IGSF10: variants seen among roughly 807,000 people sequenced by gnomAD.
IGSF10 encodes the protein immunoglobulin superfamily member 10, also known as calvaria mechanical force protein 608.
Under a neutral mutation model 128.2 loss-of-function variants are expected in IGSF10, and 126 were observed. The observed-to-expected ratio is 0.98, with a 90% confidence interval of 0.85 to 1.14. The LOEUF is 1.14. Ranked by LOEUF, IGSF10 falls within the 50% of genes most tolerant of loss-of-function variation. IGSF10 has a pLI of 0.00. For synonymous variants in IGSF10, 1,185 were observed against 1,146.2 expected, an observed-to-expected ratio of 1.03 and a Z score of -0.68; for missense variants, 3,295 against 3,149.8, an observed-to-expected ratio of 1.05 and a Z score of -1.10.
At chr3:151,564,683 G>A in the IGSF10 span, among the ~76,000 whole-genome samples, 7 of 152,006 alleles carry the variant, frequency 4.6e-5, no homozygotes, top group Admixed American at 2.6e-4. Flanking sequence ...TTTGGGTTAC[G>A]GCAGTTGAAT....
chr3:151,477,487 G>T, the IGSF10 span, among the ~76,000 whole-genome samples: 1 of 152,102 alleles, frequency 6.6e-6, no homozygotes, highest in South Asian at 2.1e-4. Context: ...AAAATATTTA[G>T]AAGTTTTTAT....
the IGSF10 span, among the ~76,000 whole-genome samples, chr3:151,533,297 T>C: frequency 1.3e-5 from 2 of 152,156 alleles, no homozygotes; most frequent in Non-Finnish European, 1.5e-5. Flanking sequence ...CTTCACAGAA[T>C]TGGAAAAAAC....
At chr3:151,506,460 G>A in the IGSF10 span, among the ~76,000 whole-genome samples, 18 of 152,146 alleles carry the variant, frequency 1.2e-4, no homozygotes, top group African/African-American at 3.4e-4. Flanking sequence ...TTTGTCAAAG[G>A]AATTTACATT....
At chr3:151,551,244 T>C in the IGSF10 span, among the ~76,000 whole-genome samples, 1 of 152,214 alleles carries the variant, frequency 6.6e-6, no homozygotes, top group South Asian at 2.1e-4. Context: ...AAGCTTTCAA[T>C]GAGTTCAGTG....
chr3:151,444,439 C>T (rs752210170), intron 6 of IGSF10, among the ~76,000 whole-genome samples: 21 of 152,140 alleles, frequency 1.4e-4, no homozygotes, highest in Non-Finnish European at 1.5e-4. Flanking sequence ...TCCCGAGTAG[C>T]TGGGACTACA....
At chr3:151,466,031 T>C (rs1268225075), upstream of IGSF10, among the ~76,000 whole-genome samples, 13 of 152,324 alleles carry the variant, frequency 8.5e-5, no homozygotes, top group South Asian at 2.7e-3. Flanking sequence ...ATTTTCCTTT[T>C]TTTGTCTATA....
the IGSF10 span, among the ~76,000 whole-genome samples, chr3:151,615,211 G>A: frequency 9.9e-5 from 15 of 151,800 alleles, no homozygotes; most frequent in African/African-American, 3.6e-4. Flanking sequence ...TCATTTATAA[G>A]ATTGAATGTC....
At chr3:151,488,754 G>A in the IGSF10 span, among the ~76,000 whole-genome samples, 2 of 152,200 alleles carry the variant, frequency 1.3e-5, no homozygotes, top group African/African-American at 4.8e-5. Context: ...AGGATGTTGG[G>A]AAAACTGGCT....
At chr3:151,558,006 A>ATATATATTATATATATAT in the IGSF10 span, among the ~76,000 whole-genome samples, 3 of 26,670 alleles carry the variant, frequency 1.1e-4, no homozygotes, top group African/African-American at 4.0e-4. Flanking sequence ...AGTATATATA[A>ATATATATTATATATATAT]TATATATATA....
At position 151,445,732 on chromosome 3, in the gene IGSF10, G is replaced by A; in HGVS notation, c.4249C>T (p.Leu1417=). ...GCTAGTTCTTCAATCACATCTGTCA[G>A]ATTAAGAGTTCTTGAATGAAAACTG... ...TISFHSRTLN[L]TDVIEELAQA... Residue 1417 remains leucine, a synonymous_variant, in exon 6 of 8, where the codon CTG becomes TTG. Coordinates refer to ENST00000282466, the MANE Select transcript of IGSF10 (RefSeq NM_178822.5). 3.7e-6 allele frequency: 6 copies of A among 1,614,070 alleles called. No individual in the cohort carries two copies. The South Asian group carries it at 5.5e-5, about 15-fold the overall frequency.
At chr3:151,608,702 C>A in the IGSF10 span, among the ~76,000 whole-genome samples, 18 of 152,098 alleles carry the variant, frequency 1.2e-4, no homozygotes, top group Non-Finnish European at 1.8e-4. Context: ...ATATTTTGGA[C>A]ATTAGGGGCA....
chr3:151,453,478 A>G lies in IGSF10; in HGVS notation c.621T>C (p.Tyr207=), dbSNP rs1390420394. Residue 207 remains tyrosine (Y), a synonymous_variant, in exon 5 of 8, where the codon TAT becomes TAC. Coordinates refer to ENST00000282466, the MANE Select transcript of IGSF10 (RefSeq NM_178822.5). ...GGTAAAGGCTGTCTAGGTCAGGCAT[A>G]TAGGAGACCATCTCTTGAGGGAGGG... ...LTSLPQEMVS[Y]MPDLDSLYLH... The G allele has an allele frequency of 1.2e-6, 2 of 1,614,028 alleles. No individual in the cohort carries two copies. The highest frequency in any genetic ancestry group is 1.7e-5 in the Admixed American group (1 of 60,028).
chr3:151,534,189 C>A, the IGSF10 span, among the ~76,000 whole-genome samples: 1 of 152,176 alleles, frequency 6.6e-6, no homozygotes, highest in Admixed American at 6.5e-5. Flanking sequence ...AATAGAAACA[C>A]TTTTACACTG....
At chr3:151,465,216 ATT>A (rs1199577890), upstream of IGSF10, among the ~76,000 whole-genome samples, 3 of 152,362 alleles carry the variant, frequency 2.0e-5, no homozygotes, top group South Asian at 6.2e-4. Context: ...TGAATCTCAC[ATT>A]TTTGTTAGTG....
At chr3:151,609,005 T>A in the IGSF10 span, among the ~76,000 whole-genome samples, 1 of 152,192 alleles carries the variant, frequency 6.6e-6, no homozygotes, top group African/African-American at 2.4e-5. Context: ...AGTAATCAAG[T>A]CAGCTGAAGT....
chr3:151,479,946 GA>G, the IGSF10 span, among the ~76,000 whole-genome samples: 2,197 of 143,806 alleles, frequency 0.015, 20 homozygotes, highest in South Asian at 0.035. Context: ...ATCTAACGAA[GA>G]AAAAAAAAAT....
chr3:151,457,121 A>G lies in IGSF10; in HGVS notation c.229T>C (p.Phe77Leu). ...NSLVRLMETD[F>L]SGLTKLELLM... ...AACTCCAGTTTGGTCAGGCCAGAAA[A>G]ATCTGTTTCCATCAATCTAACCAAG... The change falls in exon 4 of 8, where the codon TTT becomes CTT. Residue 77 changes from phenylalanine (F) to leucine (L), a missense_variant. By Grantham distance (22) the Phe-to-Leu change is conservative (BLOSUM62 0). Transcript: ENST00000282466. The G allele has an allele frequency of 1.2e-6, 2 of 1,614,206 alleles. No homozygotes were observed. The highest frequency in any genetic ancestry group is 1.7e-6 in the Non-Finnish European group (2 of 1,180,016).
At chr3:151,592,995 T>C in the IGSF10 span, among the ~76,000 whole-genome samples, 13 of 152,332 alleles carry the variant, frequency 8.5e-5, 1 homozygote, top group Middle Eastern at 0.02. Context: ...TCTGAAATCT[T>C]GTTTATAATC....
chr3:151,570,002 T>C, the IGSF10 span, among the ~76,000 whole-genome samples: 1 of 151,968 alleles, frequency 6.6e-6, no homozygotes, highest in East Asian at 1.9e-4. Context: ...TCTGTCCTTG[T>C]GATAAGTTTG....
Sources: gnomAD v4.1 joint callset for allele counts (sites outside exome capture counted in the v4.1 genomes callset) on GRCh38, gnomAD v4.1.1 for gene constraint, MANE v1.5 for transcripts, NCBI Gene and HGNC (gene_info 2026-07-23, HGNC 2026-07-21) for gene names.